Variants in SEZ6L observed in about 807,000 individuals in gnomAD.
SEZ6L encodes the protein seizure related 6 homolog like.
A neutral mutation model predicts 106.2 loss-of-function variants in SEZ6L; 37 were observed. The ratio of observed to expected loss-of-function variants is 0.35; its 90% CI spans 0.27 to 0.46. SEZ6L has a LOEUF of 0.46. Ranked by LOEUF, SEZ6L falls within the 20% of genes least tolerant of loss-of-function variation. SEZ6L has a pLI of 1.00. For missense variants in SEZ6L, 1,172 were observed against 1,332.8 expected (o/e 0.88, Z 1.88); for synonymous variants, 541 against 570.4 (o/e 0.95, Z 0.73).
chr22:26,301,132 C>T (rs900507492), intron 5 of SEZ6L, among the ~76,000 whole-genome samples: 4 of 152,316 alleles, frequency 2.6e-5, no homozygotes, highest in East Asian at 3.9e-4. Flanking sequence ...AGATGAGGCT[C>T]ATGTAGGTGA....
At chr22:26,379,318 C>T (rs2084336378) in intron 16 of SEZ6L, among the ~76,000 whole-genome samples, 1 of 152,126 alleles carries the variant, frequency 6.6e-6, no homozygotes, top group African/African-American at 2.4e-5. Context: ...ATGGAAGTGA[C>T]ATCCTAGCAC....
chr22:26,182,089 AC>A, intron 1 of SEZ6L, among the ~76,000 whole-genome samples: 1 of 152,148 alleles, frequency 6.6e-6, no homozygotes, highest in East Asian at 1.9e-4. Flanking sequence ...CCCAATCCCC[AC>A]CTCTCAACAC....
intron 1 of SEZ6L, among the ~76,000 whole-genome samples, chr22:26,265,084 A>G (rs1245769215): frequency 6.6e-6 from 1 of 152,038 alleles, no homozygotes; most frequent in Non-Finnish European, 1.5e-5. Flanking sequence ...CCCCACTCTT[A>G]ATGACATTTT....
chr22:26,377,367 C>T (rs1457346557), intron 15 of SEZ6L, among the ~76,000 whole-genome samples: 2 of 152,100 alleles, frequency 1.3e-5, no homozygotes, highest in Non-Finnish European at 2.9e-5. Context: ...GTTCTTGTTT[C>T]CCTTTGCATT....
At chr22:26,250,263 C>T (rs955008353) in intron 1 of SEZ6L, among the ~76,000 whole-genome samples, 4 of 151,980 alleles carry the variant, frequency 2.6e-5, no homozygotes, top group African/African-American at 7.2e-5. Flanking sequence ...CAAGATGTTT[C>T]CCCTATGTTT....
intron 9 of SEZ6L, among the ~76,000 whole-genome samples, chr22:26,322,159 C>T (rs961883133): frequency 6.6e-6 from 1 of 152,184 alleles, no homozygotes; most frequent in Non-Finnish European, 1.5e-5. Flanking sequence ...GTATCTGGCA[C>T]ATAGTTGGTG....
At chr22:26,171,252 G>C (rs921685371) in intron 1 of SEZ6L, among the ~76,000 whole-genome samples, 2 of 152,126 alleles carry the variant, frequency 1.3e-5, no homozygotes, top group Non-Finnish European at 2.9e-5. Context: ...AGTTTCTCTG[G>C]GAAAGATAGG....
At chr22:26,276,990 T>C (rs1056225784) in intron 1 of SEZ6L, among the ~76,000 whole-genome samples, 1 of 152,126 alleles carries the variant, frequency 6.6e-6, no homozygotes, top group Non-Finnish European at 1.5e-5. Flanking sequence ...CATAAAAGAA[T>C]GTTCAAGGCT....
intron 1 of SEZ6L, among the ~76,000 whole-genome samples, chr22:26,212,728 A>G (rs1316912641): frequency 1.3e-5 from 2 of 152,176 alleles, no homozygotes; most frequent in African/African-American, 4.8e-5. Context: ...TGGCCAAGAT[A>G]AGGGCCTTGA....
chr22:26,301,186 C>T (rs1015134128), intron 5 of SEZ6L, among the ~76,000 whole-genome samples: 29 of 152,196 alleles, frequency 1.9e-4, no homozygotes, highest in Non-Finnish European at 4.1e-4. Flanking sequence ...TTGGAGGTAG[C>T]CTGCTGACAC....
intron 1 of SEZ6L, among the ~76,000 whole-genome samples, chr22:26,252,370 A>T (rs758582908): frequency 2.0e-5 from 3 of 152,232 alleles, no homozygotes; most frequent in Non-Finnish European, 2.9e-5. Flanking sequence ...TCCCTACCTC[A>T]GATGAAGTTC....
intron 5 of SEZ6L, among the ~76,000 whole-genome samples, chr22:26,305,677 G>A (rs527896283): frequency 3.3e-5 from 5 of 152,300 alleles, no homozygotes; most frequent in South Asian, 2.1e-4. Flanking sequence ...CAGAACTGTC[G>A]TTAAATTGCA....
Position 26,321,771 on chromosome 22 carries a change from C to T in SEZ6L, c.2015+7869C>T, listed in dbSNP as rs143282914. 3.7e-3 allele frequency among the ~76,000 whole-genome samples: 568 copies of T among 152,222 alleles called. 3 individuals are homozygous for T. Among genetic ancestry groups the T allele is most frequent in the African/African-American group, 0.013 (530 of 41,540 alleles). On this transcript the variant is annotated intron_variant, in intron 9 of 16. Transcript: ENST00000248933. ...TTGCAATTGTTATTTTTCACATCGA[C>T]GATGGGGAGGGAGTGTGCACTGCAG...
chr22:26,340,335 C>A, intron 9 of SEZ6L, 101 bp from the exon 10 acceptor site: 1 of 1,129,776 alleles, frequency 8.9e-7, no homozygotes, highest in Non-Finnish European at 1.3e-6. Flanking sequence ...CTGACACATA[C>A]ACACTTAACA....
chr22:26,320,147 G>A (rs2082114670), intron 9 of SEZ6L, among the ~76,000 whole-genome samples: 1 of 152,142 alleles, frequency 6.6e-6, no homozygotes, highest in African/African-American at 2.4e-5. Flanking sequence ...AGTTTCAAAG[G>A]ATGTGTCATC....
intron 1 of SEZ6L, among the ~76,000 whole-genome samples, chr22:26,264,150 C>T (rs918164713): frequency 5.9e-5 from 9 of 152,216 alleles, no homozygotes; most frequent in Non-Finnish European, 8.8e-5. Context: ...AGAGTAAACT[C>T]AGGGTCATTC....
At chr22:26,202,073 C>A (rs891324702) in intron 1 of SEZ6L, among the ~76,000 whole-genome samples, 20 of 152,102 alleles carry the variant, frequency 1.3e-4, no homozygotes, top group Admixed American at 1.3e-3. Context: ...GCCATCACGC[C>A]CGGCTAATTT....
Position 26,370,199 on chromosome 22 carries a change from G to C in SEZ6L, c.2795-3252G>C, listed in dbSNP as rs191448836. On this transcript the variant is annotated intron_variant, in intron 13 of 16. Transcript: ENST00000248933. ...AGTTCGAGACCATCCTGGCTAACAC[G>C]GTGAAACCTCGTCTCTACTAAAAAT... Among the ~76,000 whole-genome samples the C allele has an allele frequency of 8.1e-3, 1,227 of 152,114 alleles. 31 individuals carry two copies. The highest frequency in any genetic ancestry group is 0.02 in the Admixed American group (299 of 15,292).
At chr22:26,197,689 G>T (rs1036259875) in intron 1 of SEZ6L, among the ~76,000 whole-genome samples, 1 of 152,150 alleles carries the variant, frequency 6.6e-6, no homozygotes, top group Non-Finnish European at 1.5e-5. Context: ...CCTCCCCAGG[G>T]TTATATAATA....
Sources: gnomAD v4.1 joint callset for allele counts (sites outside exome capture counted in the v4.1 genomes callset) on GRCh38, gnomAD v4.1.1 for gene constraint, MANE v1.5 for transcripts, NCBI Gene and HGNC (gene_info 2026-07-23, HGNC 2026-07-21) for gene names.